The following ADCY7 variants were observed in gnomAD, a reference collection of about 807,000 sequenced individuals.
The protein encoded by ADCY7 is adenylate cyclase 7, also known as adenylate cyclase type 7.
ADCY7 carries 72 observed loss-of-function variants against 120.6 expected under a neutral mutation model. That is an observed-to-expected ratio of 0.60 (90% CI 0.49 to 0.73). The LOEUF (loss-of-function observed/expected upper bound fraction) is 0.73. ADCY7 is among the 30% of genes least tolerant of loss of function. The probability of loss-of-function intolerance (pLI) is 0.00; values close to 1 mark genes in which losing one functional copy is unlikely to be tolerated. For missense variants in ADCY7, 1,227 were observed against 1,486.0 expected (o/e 0.83, Z 2.87); for synonymous variants, 661 against 628.0 (o/e 1.05, Z -0.78).
rs200015203 is a variant in ADCY7, at chr16:50,314,317, T to G, written c.2882T>G (p.Ile961Ser). The change falls in exon 24 of 26, where the codon ATT becomes AGT. Residue 961 changes from isoleucine to serine, a missense_variant. Ile to Ser is a moderately radical substitution (Grantham distance 142). Around this residue, in one of 5 missense-constraint regions of ADCY7, gnomAD observed 244 missense variants for 332.8 expected, o/e 0.73. Transcript: ENST00000673801. The stretch of plus-strand genomic sequence containing the variant: ...GAGCTGGAGCGGCAGCATGCCCACA[T>G]TGGTGTCATGGTGGAGTTCAGCATC... The part of the protein sequence containing the change: ...NQELERQHAH[I>S]GVMVEFSIAL... 523 of 1,613,966 alleles carry G rather than the reference T, an allele frequency of 3.2e-4. No individual in the cohort carries two copies. Among genetic ancestry groups the G allele is most frequent in the Non-Finnish European group, 4.3e-4 (505 of 1,179,960 alleles).
rs1200900678 is a variant in ADCY7, at chr16:50,314,174, T to C, written c.2856+112T>C. The stretch of plus-strand genomic sequence containing the variant: ...CGTCCTGGGGGAGGGGCACAGGTAC[T>C]TGTAGGGCTCAGCCAGGATTTTAGT... On this transcript the variant is annotated intron_variant, in intron 23 of 25. Transcript: ENST00000673801. 6 of 1,410,902 alleles carry C rather than the reference T, an allele frequency of 4.3e-6. No individual in the cohort carries two copies. The East Asian group carries it at 1.2e-4, about 28-fold the overall frequency. The allele number at this position is 1,410,902 out of a possible 1,614,324, so 87.4% of individuals were successfully genotyped here. A position where few individuals can be genotyped will look rare whatever the true frequency, so the allele number is the denominator to read the frequency against.
chr16:50,314,009 A>G lies in ADCY7; in HGVS notation c.2803A>G (p.Ser935Gly), dbSNP rs1489729906. The change falls in exon 23 of 26, where the codon AGC (serine) becomes GGC (glycine). Residue 935 changes from serine to glycine, a missense_variant. Ser to Gly is a moderately conservative substitution (Grantham distance 56). Coordinates refer to ENST00000673801, the MANE Select transcript of ADCY7 (RefSeq NM_001114.5). ...SGVEKIKTIG[S>G]TYMAAAGLSV... ...CGTGGAGAAGATCAAGACCATCGGC[A>G]GCACGTACATGGCAGCTGCAGGGCT... 1.2e-6 allele frequency: 2 copies of G among 1,614,220 alleles called. No individual in the cohort carries two copies. The highest frequency in any genetic ancestry group is 1.3e-5 in the African/African-American group (1 of 75,070).
chr16:50,248,423 T>C (rs1345703265), intron 1 of ADCY7, among the ~76,000 whole-genome samples: 1 of 152,212 alleles, frequency 6.6e-6, no homozygotes, highest in Non-Finnish European at 1.5e-5. Flanking sequence ...GGCAGAGAGC[T>C]GAGTTAGGCA....
chr16:50,250,178 G>A (rs142368990), intron 1 of ADCY7, among the ~76,000 whole-genome samples: 1,531 of 152,254 alleles, frequency 0.01, 15 homozygotes, highest in Non-Finnish European at 0.015. Flanking sequence ...TGAATTGGCC[G>A]GGTGGGGTGG....
Position 50,304,545 on chromosome 16 carries a change from G to A in ADCY7, c.1554G>A (p.Arg518=). The A allele has an allele frequency of 6.5e-7, 1 of 1,541,198 alleles. No homozygotes were observed. The highest frequency in any genetic ancestry group is 8.8e-7 in the Non-Finnish European group (1 of 1,141,800). ...SGETHVPNGR[R]PKSVPQRHRR... ...AGACCCACGTCCCCAACGGGCGGAG[G>A]CCTAAGGTAGGTCCCCCTCCCACCC... The change falls in exon 11 of 26, where the codon AGG becomes AGA. Residue 518 remains arginine, a synonymous_variant. Coordinates refer to ENST00000673801, the MANE Select transcript of ADCY7 (RefSeq NM_001114.5).
intron 18 of ADCY7, 29 bp downstream of exon 18, chr16:50,309,675 CTCAT>C (rs750651165): frequency 2.5e-6 from 4 of 1,591,060 alleles, no homozygotes; most frequent in Non-Finnish European, 2.6e-6. Flanking sequence ...GCTCCGTGGC[CTCAT>C]TCAGAGTGGG....
intron 2 of ADCY7, among the ~76,000 whole-genome samples, chr16:50,289,741 T>G (rs1386886341): frequency 6.6e-6 from 1 of 152,250 alleles, no homozygotes; most frequent in Non-Finnish European, 1.5e-5. Flanking sequence ...GCTGGGATTA[T>G]AGGCGTGAGC....
intron 1 of ADCY7, among the ~76,000 whole-genome samples, chr16:50,268,648 C>T (rs1483382537): frequency 1.3e-5 from 2 of 152,146 alleles, no homozygotes; most frequent in African/African-American, 4.8e-5. Flanking sequence ...TATTGCAGAA[C>T]ATCTTTGCCA....
chr16:50,307,995 CAA>C (rs34191947), intron 15 of ADCY7, among the ~76,000 whole-genome samples: 1,918 of 64,700 alleles, frequency 0.03, 2 homozygotes, highest in Non-Finnish European at 0.036. Flanking sequence ...GACTCCATCT[CAA>C]AAAAAAAAAA....
In ADCY7 at chr16:50,282,198, G is replaced by C. The variant is rs553081958; in HGVS notation, c.-268-5714G>C. 5.9e-5 allele frequency among the ~76,000 whole-genome samples: 9 copies of C among 152,344 alleles called. No individual in the cohort carries two copies. The East Asian group carries it at 1.5e-3, about 26-fold the overall frequency. On this transcript the variant is annotated intron_variant, in intron 1 of 25. Transcript: ENST00000673801. ...CCAACAGTGGCCGGGTGAGGAAGTG[G>C]GTGTCCTGTCTGCATCTGTGAAAGC...
At chr16:50,294,346 C>T (rs2035201168) in intron 6 of ADCY7, among the ~76,000 whole-genome samples, 1 of 152,220 alleles carries the variant, frequency 6.6e-6, no homozygotes, top group African/African-American at 2.4e-5. Flanking sequence ...AGGCTCCGGG[C>T]TGCCTGCAGG....
intron 1 of ADCY7, among the ~76,000 whole-genome samples, chr16:50,281,637 G>A (rs2034274141): frequency 6.6e-6 from 1 of 152,204 alleles, no homozygotes; most frequent in African/African-American, 2.4e-5. Flanking sequence ...TCAGGGGCCG[G>A]GATATTGGAC....
intron 16 of ADCY7, 90 bp downstream of exon 16, chr16:50,308,501 A>G (rs2036232201): frequency 4.4e-6 from 7 of 1,589,574 alleles, no homozygotes; most frequent in Non-Finnish European, 6.0e-6. Context: ...GGCTGGGCTG[A>G]GCCCCTGCTC....
intron 1 of ADCY7, among the ~76,000 whole-genome samples, chr16:50,257,906 C>A (rs1210582735): frequency 4.6e-5 from 7 of 151,970 alleles, no homozygotes; most frequent in Non-Finnish European, 1.0e-4. Flanking sequence ...CCACACCAGG[C>A]TAATTTTTTT....
chr16:50,247,567 G>A (rs774121830), intron 1 of ADCY7, among the ~76,000 whole-genome samples: 66 of 136,336 alleles, frequency 4.8e-4, no homozygotes, highest in Admixed American at 9.3e-4. Flanking sequence ...TTTGGTGGAC[G>A]CATGGTCTCA....
intron 1 of ADCY7, chr16:50,274,255 C>T (rs1169471640): frequency 1.3e-5 from 2 of 152,210 alleles, no homozygotes; most frequent in African/African-American, 2.4e-5. Flanking sequence ...TGGGAGGCCT[C>T]GTTTCGGGGG....
At chr16:50,249,301 A>G (rs1460341025) in intron 1 of ADCY7, among the ~76,000 whole-genome samples, 1 of 152,078 alleles carries the variant, frequency 6.6e-6, no homozygotes, top group African/African-American at 2.4e-5. Flanking sequence ...TTAGCCAGGC[A>G]TGGTGGTGTG....
At chr16:50,296,460 C>T (rs2035359914) in intron 7 of ADCY7, among the ~76,000 whole-genome samples, 1 of 151,006 alleles carries the variant, frequency 6.6e-6, no homozygotes, top group South Asian at 2.1e-4. Flanking sequence ...CCCGGGTTCA[C>T]ACCATTCTGC....
Position 50,317,225 on chromosome 16 carries a change from T to G in ADCY7, c.*1720T>G, listed in dbSNP as rs1041920978. Reference sequence around the variant, plus strand: ...GTGGAATCAGTATGAATAGAAGAACTTGCTGTATAAAGGAATTTCATGGCA... The same window carrying G: ...GTGGAATCAGTATGAATAGAAGAACGTGCTGTATAAAGGAATTTCATGGCA... On this transcript the variant is annotated 3_prime_UTR_variant, in exon 26 of 26. Transcript: ENST00000673801. The G allele has an allele frequency of 2.0e-5, 3 of 152,912 alleles. No individual in the cohort carries two copies. The highest frequency in any genetic ancestry group is 2.0e-4 in the Admixed American group (3 of 15,308). 9.5% of individuals were successfully genotyped at this position (152,912 alleles called of 1,614,324 possible). A position where few individuals can be genotyped will look rare whatever the true frequency, so the allele number is the denominator to read the frequency against.
Sources: allele counts gnomAD v4.1 joint callset (sites outside exome capture counted in the v4.1 genomes callset), GRCh38; gene constraint gnomAD v4.1.1; regional missense constraint gnomAD v4.1.1; transcripts MANE v1.5; gene names NCBI Gene and HGNC (gene_info 2026-07-23, HGNC 2026-07-21).